COL21A1: variants seen among roughly 807,000 people sequenced by gnomAD.
COL21A1 encodes the protein collagen alpha-1(XXI) chain.
COL21A1 carries 149 observed loss-of-function variants against 137.9 expected under a neutral mutation model. The observed-to-expected ratio is 1.08, with a 90% CI of 0.95 to 1.24. The LOEUF (loss-of-function observed/expected upper bound fraction) is 1.24. Among genes scored for constraint, COL21A1 ranks in the 50% most tolerant of loss-of-function variants. The probability of loss-of-function intolerance (pLI) is 0.00; values close to 1 mark genes in which losing one functional copy is unlikely to be tolerated. For missense variants in COL21A1, 1,167 were observed against 1,158.4 expected (o/e 1.01, Z -0.11); for synonymous variants, 456 against 391.5 (o/e 1.16, Z -1.95).
chr6:56,131,162 G>T (rs1285975252), intron 12 of COL21A1, among the ~76,000 whole-genome samples: 1 of 151,704 alleles, frequency 6.6e-6, no homozygotes, highest in African/African-American at 2.4e-5. Flanking sequence ...ATTACTGAAG[G>T]TTGAAAAAAT....
chr6:56,329,199 T>C (rs952230591), intron 1 of COL21A1, among the ~76,000 whole-genome samples: 6 of 152,152 alleles, frequency 3.9e-5, no homozygotes, highest in African/African-American at 1.4e-4. Flanking sequence ...ATGACATGTG[T>C]CTACTGCCAT....
At chr6:56,231,409 G>T (rs910156897) in intron 1 of COL21A1, among the ~76,000 whole-genome samples, 2 of 151,754 alleles carry the variant, frequency 1.3e-5, no homozygotes, top group Admixed American at 1.3e-4. Flanking sequence ...GCGTTATTCA[G>T]CTAGGTGTGG....
At chr6:56,097,953 A>G (rs1413037948) in intron 17 of COL21A1, among the ~76,000 whole-genome samples, 5 of 98,468 alleles carry the variant, frequency 5.1e-5, no homozygotes, top group Admixed American at 1.6e-4. Flanking sequence ...ATATAAATAT[A>G]AAAATATATA....
intron 24 of COL21A1, 22 bp downstream of exon 24, chr6:56,064,556 T>G: frequency 6.5e-7 from 1 of 1,545,910 alleles, no homozygotes; most frequent in Non-Finnish European, 8.9e-7. Flanking sequence ...TCATTTTTTA[T>G]CAGAAGAAAA....
At chr6:56,165,907 TACACAC>T (rs61397350) in intron 7 of COL21A1, among the ~76,000 whole-genome samples, 1,437 of 105,786 alleles carry the variant, frequency 0.014, 26 homozygotes, top group East Asian at 0.051. Context: ...GGGGATTGAT[TACACAC>T]ACACACACAC....
intron 1 of COL21A1, among the ~76,000 whole-genome samples, chr6:56,273,466 T>G (rs1461408373): frequency 6.6e-6 from 1 of 152,112 alleles, no homozygotes; most frequent in Admixed American, 6.6e-5. Flanking sequence ...TAAACAAAAT[T>G]GATAGACTGC....
At chr6:56,246,509 T>C (rs1782653319) in intron 1 of COL21A1, among the ~76,000 whole-genome samples, 1 of 151,942 alleles carries the variant, frequency 6.6e-6, no homozygotes, top group Non-Finnish European at 1.5e-5. Context: ...TACTAATAAA[T>C]AACTAAGGTT....
At chr6:56,148,363 A>AGAGAGAGAGC (rs1775014060) in intron 10 of COL21A1, among the ~76,000 whole-genome samples, 2 of 151,692 alleles carry the variant, frequency 1.3e-5, no homozygotes, top group Non-Finnish European at 2.9e-5. Flanking sequence ...AGAGAGAGAG[A>AGAGAGAGAGC]GAGAGAAACA....
intron 12 of COL21A1, among the ~76,000 whole-genome samples, chr6:56,131,634 CAA>C (rs758240595): frequency 2.0e-5 from 3 of 151,982 alleles, no homozygotes; most frequent in Non-Finnish European, 4.4e-5. Flanking sequence ...GAAAAGTAAA[CAA>C]AGAGTGTAGT....
intron 1 of COL21A1, among the ~76,000 whole-genome samples, chr6:56,284,014 G>A (rs1763846640): frequency 6.6e-6 from 1 of 152,030 alleles, no homozygotes; most frequent in African/African-American, 2.4e-5. Flanking sequence ...TACTAAAACT[G>A]TAATTATGAG....
At position 56,273,610 on chromosome 6, in the gene COL21A1, A is replaced by AT. The variant is rs1763575969; in HGVS notation, c.-38-90955dup. On this transcript the variant is annotated intron_variant, in intron 1 of 28. Transcript: ENST00000370819. ...ACTATAGACAACTCCATGCACACAAATTACGAAACCTAAAGGATATGGATA... is the reference window on the plus strand; with the variant it reads ...ACTATAGACAACTCCATGCACACAAATTTACGAAACCTAAAGGATATGGATA... Among the ~76,000 whole-genome samples the AT allele has an allele frequency of 3.9e-5, 6 of 152,334 alleles. No individual in the cohort carries two copies. The South Asian group carries it at 1.2e-3, about 32-fold the overall frequency.
Position 56,057,840 on chromosome 6 carries a change from T to C in COL21A1, c.2691A>G (p.Pro897=). 5 of 1,544,938 alleles carry C rather than the reference T, an allele frequency of 3.2e-6. No homozygotes were observed. Among genetic ancestry groups the C allele is most frequent in the Non-Finnish European group, 4.3e-6 (5 of 1,152,036 alleles). The change falls in exon 30 of 30, where the codon CCA becomes CCG. Residue 897 remains proline, a synonymous_variant. Transcript: ENST00000244728. ...GEQGPPGPPG[P]EGPPGISKEG... is the part of the protein sequence containing the mutation. ...CTTTGCTTATTCCAGGAGGGCCCTC[T>C]GGACCTAAGATGGGACATTGGCAAG...
intron 17 of COL21A1, 122 bp downstream of exon 17, chr6:56,101,350 T>G: frequency 1.3e-6 from 1 of 744,792 alleles, no homozygotes; most frequent in Non-Finnish European, 2.3e-6. Context: ...CTACAACATC[T>G]AAAATCTGGA....
chr6:56,203,717 C>A (rs1028394382), intron 1 of COL21A1, among the ~76,000 whole-genome samples: 1 of 152,220 alleles, frequency 6.6e-6, no homozygotes, highest in Non-Finnish European at 1.5e-5. Flanking sequence ...CAGTTCCCAG[C>A]AAGATCAACA....
intron 9 of COL21A1, among the ~76,000 whole-genome samples, chr6:56,161,638 G>T (rs12197715): frequency 6.6e-6 from 1 of 151,966 alleles, no homozygotes; most frequent in Non-Finnish European, 1.5e-5. Flanking sequence ...TGATTCCAAC[G>T]GATTCATTAA....
intron 1 of COL21A1, among the ~76,000 whole-genome samples, chr6:56,191,986 C>T (rs113706586): frequency 0.02 from 3,046 of 152,194 alleles, 55 homozygotes; most frequent in African/African-American, 0.049. Flanking sequence ...CAGCATGGTA[C>T]GGGTACCAAA....
At chr6:56,224,694 T>A (rs1781080082) in intron 1 of COL21A1, among the ~76,000 whole-genome samples, 1 of 152,076 alleles carries the variant, frequency 6.6e-6, no homozygotes, top group Non-Finnish European at 1.5e-5. Context: ...TGGGCCGTTC[T>A]TTCTCTGATA....
At chr6:56,267,445 C>T (rs12208321) in intron 1 of COL21A1, among the ~76,000 whole-genome samples, 33,575 of 152,052 alleles carry the variant, frequency 0.22, 4,523 homozygotes, top group Non-Finnish European at 0.31. Context: ...AAACCTGGGT[C>T]CCCAAACACA....
At chr6:56,095,267 T>C (rs1452374853) in intron 17 of COL21A1, among the ~76,000 whole-genome samples, 1 of 152,178 alleles carries the variant, frequency 6.6e-6, no homozygotes, top group Non-Finnish European at 1.5e-5. Context: ...TTCTATTCCC[T>C]GTTTACTGTG....
Sources: allele counts gnomAD v4.1 joint callset (sites outside exome capture counted in the v4.1 genomes callset), GRCh38; gene constraint gnomAD v4.1.1; transcripts MANE v1.5; gene names NCBI Gene and HGNC (gene_info 2026-07-23, HGNC 2026-07-21).